Variants in MACROD2 observed in about 807,000 individuals in gnomAD.
MACROD2 encodes the protein mono-ADP ribosylhydrolase 2, also known as ADP-ribose glycohydrolase MACROD2.
A neutral mutation model predicts 70.4 loss-of-function variants in MACROD2; 36 were observed. The ratio of observed to expected loss-of-function variants is 0.51; its 90% CI spans 0.39 to 0.68. The LOEUF is 0.68. Among genes scored for constraint, MACROD2 ranks in the 30% least tolerant of loss-of-function variants. MACROD2 has a pLI of 0.00. For missense variants in MACROD2, 496 were observed against 538.4 expected (o/e 0.92, Z 0.78); for synonymous variants, 172 against 178.8 (o/e 0.96, Z 0.30).
At chr20:14,863,943 T>C (rs941512220) in intron 5 of MACROD2, among the ~76,000 whole-genome samples, 1 of 152,074 alleles carries the variant, frequency 6.6e-6, no homozygotes, top group African/African-American at 2.4e-5. Flanking sequence ...AAGTTTGCCA[T>C]ATTCTTCCCT....
intron 5 of MACROD2, among the ~76,000 whole-genome samples, chr20:15,049,328 G>A (rs1162797815): frequency 2.0e-5 from 3 of 151,264 alleles, no homozygotes; most frequent in Non-Finnish European, 4.4e-5. Flanking sequence ...GGGAGAGGAA[G>A]AGAAAAAAGA....
chr20:15,846,621 C>T (rs556229479), intron 8 of MACROD2, among the ~76,000 whole-genome samples: 18 of 152,148 alleles, frequency 1.2e-4, no homozygotes, highest in African/African-American at 3.9e-4. Flanking sequence ...GGTTTTTCCA[C>T]GACTAAGCAG....
At chr20:15,067,749 T>C (rs974778004) in intron 5 of MACROD2, among the ~76,000 whole-genome samples, 1 of 152,198 alleles carries the variant, frequency 6.6e-6, no homozygotes, top group African/African-American at 2.4e-5. Context: ...TTTATCAATT[T>C]ATTGATTGGT....
intron 5 of MACROD2, among the ~76,000 whole-genome samples, chr20:14,710,204 T>C (rs2071321495): frequency 6.6e-6 from 1 of 152,020 alleles, no homozygotes; most frequent in Admixed American, 6.5e-5. Flanking sequence ...AAGCAGAGAT[T>C]TCAGTTATAT....
chr20:14,417,921 T>C (rs1381573428), intron 3 of MACROD2, among the ~76,000 whole-genome samples: 1 of 152,190 alleles, frequency 6.6e-6, no homozygotes, highest in Admixed American at 6.5e-5. Context: ...TATGATGGAT[T>C]TTAGAAATTA....
intron 3 of MACROD2, among the ~76,000 whole-genome samples, chr20:14,178,642 CTT>C (rs1477898625): frequency 6.7e-6 from 1 of 150,338 alleles, no homozygotes; most frequent in Non-Finnish European, 1.5e-5. Flanking sequence ...GAAGGCATAC[CTT>C]TTTTGTACGG....
intron 3 of MACROD2, among the ~76,000 whole-genome samples, chr20:14,303,720 C>G (rs1601453904): frequency 6.6e-6 from 1 of 152,244 alleles, no homozygotes. Flanking sequence ...AAATATGTCT[C>G]TTTAGTGAAT....
chr20:14,461,318 T>C (rs751912625), intron 3 of MACROD2, among the ~76,000 whole-genome samples: 2 of 152,052 alleles, frequency 1.3e-5, no homozygotes, highest in Non-Finnish European at 2.9e-5. Context: ...TTCTGTCTTT[T>C]CTTCTTTAAC....
At chr20:15,666,955 A>G (rs182486860) in intron 8 of MACROD2, among the ~76,000 whole-genome samples, 67 of 152,318 alleles carry the variant, frequency 4.4e-4, no homozygotes, top group Admixed American at 2.6e-3. Flanking sequence ...TATGTTCCCC[A>G]CCTGGATTCA....
Position 14,499,811 on chromosome 20 carries a change from C to T in MACROD2, c.301+6303C>T, listed in dbSNP as rs1290055510. On this transcript the variant is annotated intron_variant, in intron 4 of 17. Coordinates refer to ENST00000684519, the MANE Select transcript of MACROD2 (RefSeq NM_001351661.2). ...CCTTTCCCTGTTTCCCTCCTTCCTT[C>T]CTTCTTTTCTTTTTGTCTTTCTCAG... Among the ~76,000 whole-genome samples the T allele has an allele frequency of 2.6e-5, 4 of 152,102 alleles. No homozygotes were observed. The East Asian group carries it at 7.7e-4, about 29-fold the overall frequency.
intron 10 of MACROD2, among the ~76,000 whole-genome samples, chr20:15,896,839 A>G (rs1236997692): frequency 6.6e-6 from 1 of 152,182 alleles, no homozygotes; most frequent in Non-Finnish European, 1.5e-5. Flanking sequence ...ACACCATACC[A>G]ATAATGAAAT....
At chr20:15,438,824 G>A (rs77454162) in intron 7 of MACROD2, among the ~76,000 whole-genome samples, 3 of 152,322 alleles carry the variant, frequency 2.0e-5, no homozygotes, top group Non-Finnish European at 4.4e-5. Flanking sequence ...TTTGGTTCAT[G>A]ACAGCAGTGA....
chr20:14,849,243 C>A (rs1215019252), intron 5 of MACROD2, among the ~76,000 whole-genome samples: 3 of 152,200 alleles, frequency 2.0e-5, no homozygotes, highest in Non-Finnish European at 2.9e-5. Flanking sequence ...CACTTCAGGT[C>A]TGTTTCTTCC....
chr20:15,995,578 C>T (rs2066616868), intron 15 of MACROD2, among the ~76,000 whole-genome samples: 1 of 149,968 alleles, frequency 6.7e-6, no homozygotes, highest in African/African-American at 2.5e-5. Context: ...TCTCGATCTC[C>T]TGACCTCATG....
At chr20:14,859,842 C>T (rs370875479) in intron 5 of MACROD2, among the ~76,000 whole-genome samples, 1 of 152,060 alleles carries the variant, frequency 6.6e-6, no homozygotes, top group South Asian at 2.1e-4. Context: ...ATTCTCAGTT[C>T]CCTTAAGTAC....
chr20:14,657,989 AG>A (rs1425693688), intron 4 of MACROD2, among the ~76,000 whole-genome samples: 1 of 151,226 alleles, frequency 6.6e-6, no homozygotes, highest in African/African-American at 2.4e-5. Context: ...AAAAAAAAAA[AG>A]ACGAAAGATT....
chr20:15,352,499 T>C (rs1215322408), intron 6 of MACROD2, among the ~76,000 whole-genome samples: 1 of 152,174 alleles, frequency 6.6e-6, no homozygotes, highest in Non-Finnish European at 1.5e-5. Flanking sequence ...TTCTTTTTTC[T>C]TAAGTGAAAA....
chr20:15,744,721 C>G (rs943639304), intron 8 of MACROD2, among the ~76,000 whole-genome samples: 1 of 151,012 alleles, frequency 6.6e-6, no homozygotes, highest in East Asian at 2.0e-4. Flanking sequence ...CACACACACA[C>G]ACACACACAC....
intron 5 of MACROD2, among the ~76,000 whole-genome samples, chr20:14,729,861 T>C (rs1439903159): frequency 1.3e-5 from 2 of 152,096 alleles, no homozygotes; most frequent in African/African-American, 4.8e-5. Context: ...AGGATTATAG[T>C]ATTAGAATCA....
Sources: allele counts gnomAD v4.1 joint callset (sites outside exome capture counted in the v4.1 genomes callset), GRCh38; gene constraint gnomAD v4.1.1; transcripts MANE v1.5; gene names NCBI Gene and HGNC (gene_info 2026-07-23, HGNC 2026-07-21).